Variants in CASZ1 observed in about 807,000 individuals in gnomAD.
The protein encoded by CASZ1 is zinc finger protein castor homolog 1.
In CASZ1, 28 loss-of-function variants were observed where a neutral mutation model predicts 135.2. The ratio of observed to expected loss-of-function variants is 0.21; its 90% CI spans 0.15 to 0.28. The LOEUF is 0.28. CASZ1 is among the 10% of genes least tolerant of loss of function. The pLI is 1.00. For synonymous variants in CASZ1, 1,068 were observed against 1,073.4 expected, an observed-to-expected ratio of 0.99 and a Z score of 0.10; for missense variants, 2,161 against 2,453.3, an observed-to-expected ratio of 0.88 and a Z score of 2.52.
In CASZ1 at chr1:10,699,081, C is replaced by G. The variant is rs1428505873; in HGVS notation, c.-23-5169G>C. ...GGGTGGACAGGTATCACACATGGCT[C>G]CATGGCCCAGAGGCTGCTTGCTCCA... On this transcript the variant is annotated intron_variant, in intron 3 of 20. Transcript: ENST00000377022. The surrounding 1 kb of genome is among the most constrained non-coding windows in gnomAD (Gnocchi z 4.6). 1.3e-5 allele frequency among the ~76,000 whole-genome samples: 2 copies of G among 152,204 alleles called. No individual in the cohort carries two copies. Among genetic ancestry groups the G allele is most frequent in the Non-Finnish European group, 2.9e-5 (2 of 68,034 alleles).
At chr1:10,715,618 T>TCCCCACAGCACCCAATCCGCG (rs1557527675) in intron 2 of CASZ1, among the ~76,000 whole-genome samples, 27 of 49,460 alleles carry the variant, frequency 5.5e-4, no homozygotes, top group African/African-American at 2.7e-3. Flanking sequence ...CCCAATCCGC[T>TCCCCACAGCACCCAATCCGCG]CCCCACAGCA....
chr1:10,651,183 G>A (rs1053141542), intron 11 of CASZ1, 107 bp from the exon 12 acceptor site: 69 of 899,548 alleles, frequency 7.7e-5, no homozygotes, highest in Non-Finnish European at 9.9e-5. Context: ...GGTGGGCCCC[G>A]GCTACTGGTC....
chr1:10,671,555 G>T (rs1357124087), intron 4 of CASZ1, among the ~76,000 whole-genome samples: 1 of 152,162 alleles, frequency 6.6e-6, no homozygotes, highest in East Asian at 1.9e-4. Flanking sequence ...AAGTGTCTCT[G>T]GAGGGCAGTG....
At chr1:10,729,848 C>T (rs1208328726) in intron 2 of CASZ1, among the ~76,000 whole-genome samples, 1 of 152,134 alleles carries the variant, frequency 6.6e-6, no homozygotes, top group Non-Finnish European at 1.5e-5. Flanking sequence ...TGGAGTCTCG[C>T]TCTGTCGCCC....
Position 10,637,069 on chromosome 1 carries a change from G to C in CASZ1, c.*1873C>G, listed in dbSNP as rs1557447671. 1 of 151,558 alleles carries C rather than the reference G, an allele frequency of 6.6e-6. No homozygotes were observed. Among genetic ancestry groups the C allele is most frequent in the East Asian group, 1.9e-4 (1 of 5,178 alleles). The allele number at this position is 151,558 out of a possible 1,614,324, so 9.4% of individuals were successfully genotyped here. On this transcript the variant is annotated 3_prime_UTR_variant, in exon 21 of 21. Coordinates refer to ENST00000377022, the MANE Select transcript of CASZ1 (RefSeq NM_001079843.3). ...GGCTTATAGTCCTAGTGTGCAATAT[G>C]AAGTTTACAAAAGGCTAGACTCCGC...
At chr1:10,692,196 G>T (rs1451325816) in intron 4 of CASZ1, among the ~76,000 whole-genome samples, 1 of 152,236 alleles carries the variant, frequency 6.6e-6, no homozygotes, top group Non-Finnish European at 1.5e-5. Flanking sequence ...TGGAGGGACT[G>T]GTTGGTGGAT....
intron 4 of CASZ1, among the ~76,000 whole-genome samples, chr1:10,687,031 G>T (rs1638615916): frequency 6.6e-6 from 1 of 152,210 alleles, no homozygotes; most frequent in South Asian, 2.1e-4. Flanking sequence ...GATCACAGCT[G>T]CAGGGAAGAG....
Position 10,695,143 on chromosome 1 carries a change from C to T in CASZ1, c.-23-1231G>A, listed in dbSNP as rs1638901007. Among the ~76,000 whole-genome samples the T allele has an allele frequency of 3.3e-5, 5 of 151,232 alleles. 1 individual carries two copies. In the South Asian group the frequency reaches 8.3e-4, roughly 25 times the overall value. The stretch of plus-strand genomic sequence containing the variant: ...TTTCGTGTTCCCCTCACAGCACTGG[C>T]GGCTTCTGGAGCTGGAGGAACAGGA... On this transcript the variant is annotated intron_variant, in intron 3 of 20. Coordinates refer to ENST00000377022, the MANE Select transcript of CASZ1 (RefSeq NM_001079843.3).
chr1:10,662,158 C>G (rs1466627597), intron 5 of CASZ1, among the ~76,000 whole-genome samples: 2 of 152,012 alleles, frequency 1.3e-5, no homozygotes, highest in Admixed American at 1.3e-4. Flanking sequence ...CACCTACACA[C>G]AGTCACAACA....
intron 2 of CASZ1, among the ~76,000 whole-genome samples, chr1:10,754,643 G>T (rs1379100498): frequency 6.6e-6 from 1 of 152,140 alleles, no homozygotes; most frequent in South Asian, 2.1e-4. Context: ...AGGGGTGCCC[G>T]AGGGGACCCA....
intron 2 of CASZ1, among the ~76,000 whole-genome samples, chr1:10,744,308 GGGGGT>G (rs1211380954): frequency 6.6e-6 from 1 of 152,076 alleles, no homozygotes; most frequent in Non-Finnish European, 1.5e-5. Context: ...GAGACTTCTT[GGGGGT>G]GGGGTGGGGG....
intron 4 of CASZ1, among the ~76,000 whole-genome samples, chr1:10,692,960 C>T (rs576189293): frequency 2.6e-5 from 4 of 152,306 alleles, no homozygotes; most frequent in Non-Finnish European, 4.4e-5. Context: ...CAACCTAGCA[C>T]GTGAGGGTCC....
intron 5 of CASZ1, among the ~76,000 whole-genome samples, chr1:10,663,786 T>A (rs1570438839): frequency 1.3e-5 from 2 of 152,194 alleles, no homozygotes; most frequent in Non-Finnish European, 2.9e-5. Context: ...AGTGTCGGGC[T>A]GAGGGGGCGA....
intron 2 of CASZ1, among the ~76,000 whole-genome samples, chr1:10,750,807 G>A (rs1013925385): frequency 1.3e-5 from 2 of 152,154 alleles, no homozygotes; most frequent in African/African-American, 4.8e-5. Context: ...GCTGAAGCAG[G>A]AGAATAGCTT....
At position 10,639,479 on chromosome 1, in the gene CASZ1, C is replaced by A. The variant is rs1385293868; in HGVS notation, c.4743G>T (p.Thr1581=). The A allele has an allele frequency of 6.2e-6, 10 of 1,609,660 alleles. No individual in the cohort carries two copies. In the Admixed American group the frequency reaches 1.5e-4, roughly 24 times the overall value. The part of the protein sequence containing the change: ...FHCTFPGCRH[T]VVGMSQMDSH... ...AGTCCATCTGCGACATGCCCACCAC[C>A]GTGTGGCGGCAGCCCGGGAAGGTGC... Residue 1581 remains threonine (T), a synonymous_variant, in exon 21 of 21, where the codon ACG becomes ACT. Transcript: ENST00000377022. The surrounding 1 kb of genome is among the most constrained non-coding windows in gnomAD (Gnocchi z 4.0).
chr1:10,639,117 T>C lies in CASZ1; in HGVS notation c.5105A>G (p.Asp1702Gly). 2 of 1,148,832 alleles carry C rather than the reference T, an allele frequency of 1.7e-6. No individual in the cohort carries two copies. Among genetic ancestry groups the C allele is most frequent in the Non-Finnish European group, 1.1e-6 (1 of 912,418 alleles). 71.2% of individuals were successfully genotyped at this position (1,148,832 alleles called of 1,614,324 possible). A position where few individuals can be genotyped will look rare whatever the true frequency, so the allele number is the denominator to read the frequency against. Reference protein sequence around the residue: ...DEDEDDDEDDDDEDDDEDDDD... With the variant: ...DEDEDDDEDDGDEDDDEDDDD... ...GTCGTCCTCGTCGTCGTCCTCGTCG[T>C]CGTCGTCCTCGTCGTCGTCCTCGTC... The change falls in exon 21 of 21, where the codon GAC becomes GGC. Residue 1702 changes from aspartate (D) to glycine (G), a missense_variant. Asp to Gly is a moderately conservative substitution (Grantham distance 94). Coordinates refer to ENST00000377022, the MANE Select transcript of CASZ1 (RefSeq NM_001079843.3). This position sits in a 1 kb window ranked among gnomAD's most constrained non-coding sequence, Gnocchi z 4.0.
rs990272513 is a variant in CASZ1 at position 10,794,003 on chromosome 1, G to T, written c.-234+2561C>A. Among the ~76,000 whole-genome samples, 1 of 152,194 alleles carries T rather than the reference G, an allele frequency of 6.6e-6. No individual in the cohort carries two copies. The highest frequency in any genetic ancestry group is 2.4e-5 in the African/African-American group (1 of 41,456). ...ACCCGGCGCTTTGCGCTCGGGCGCC[G>T]AACGGCCCAGCGCCCCCTCCGGGCA... On this transcript the variant is annotated intron_variant, in intron 1 of 20. Coordinates refer to ENST00000377022, the MANE Select transcript of CASZ1 (RefSeq NM_001079843.3). The surrounding 1 kb of genome is among the most constrained non-coding windows in gnomAD (Gnocchi z 5.6).
intron 4 of CASZ1, among the ~76,000 whole-genome samples, chr1:10,687,215 C>T (rs957405562): frequency 6.6e-6 from 1 of 152,180 alleles, no homozygotes; most frequent in Non-Finnish European, 1.5e-5. Context: ...TGAAAGAGCC[C>T]CATAAGAAAA....
In CASZ1 at chr1:10,646,915, A is replaced by AGAGCTGCTGGGGCAGAGCGGGT. The variant is rs1475962887; in HGVS notation, c.3498-611_3498-590dup. Among the ~76,000 whole-genome samples, 14 of 152,158 alleles carry AGAGCTGCTGGGGCAGAGCGGGT rather than the reference A, an allele frequency of 9.2e-5. No individual in the cohort carries two copies. Among genetic ancestry groups the AGAGCTGCTGGGGCAGAGCGGGT allele is most frequent in the Non-Finnish European group, 1.8e-4 (12 of 68,012 alleles). The stretch of plus-strand genomic sequence containing the variant: ...AGACCTCACTTGCCGGCGGAGTGGG[A>AGAGCTGCTGGGGCAGAGCGGGT]GAGCTGCTGGGGCAGAGCGGGTGTG... On this transcript the variant is annotated intron_variant, in intron 16 of 20. Coordinates refer to ENST00000377022, the MANE Select transcript of CASZ1 (RefSeq NM_001079843.3). This position sits in a 1 kb window ranked among gnomAD's most constrained non-coding sequence, Gnocchi z 6.4.
Sources: gnomAD v4.1 joint callset for allele counts (sites outside exome capture counted in the v4.1 genomes callset) on GRCh38, gnomAD v4.1.1 for gene constraint, Gnocchi (gnomAD v3.1) non-coding constraint, MANE v1.5 for transcripts, NCBI Gene and HGNC (gene_info 2026-07-23, HGNC 2026-07-21) for gene names.